IPP: variants seen among roughly 807,000 people sequenced by gnomAD.
IPP encodes actin-binding protein IPP.
IPP carries 41 observed loss-of-function variants against 64.1 expected under a neutral mutation model. That is an observed-to-expected ratio of 0.64 (90% confidence interval 0.50 to 0.83). The LOEUF (loss-of-function observed/expected upper bound fraction) is 0.83. Ranked by LOEUF, IPP falls within the 40% of genes least tolerant of loss-of-function variation. The pLI is 0.00. For synonymous variants in IPP, 214 were observed against 235.2 expected, an observed-to-expected ratio of 0.91 and a Z score of 0.83; for missense variants, 649 against 703.0, an observed-to-expected ratio of 0.92 and a Z score of 0.87.
chr1:45,747,021 C>T (rs1646143239), intron 1 of IPP, among the ~76,000 whole-genome samples: 2 of 152,148 alleles, frequency 1.3e-5, no homozygotes, highest in African/African-American at 4.8e-5. Context: ...GAGTTTGTTG[C>T]TCACCCTAAG....
rs567290768 is a variant in IPP at position 45,722,073 on chromosome 1, A to G, written c.1049-2733T>C. 8.6e-5 allele frequency among the ~76,000 whole-genome samples: 13 copies of G among 151,466 alleles called. No homozygotes were observed. In the South Asian group the frequency reaches 2.5e-3, roughly 29 times the overall value. On this transcript the variant is annotated intron_variant, in intron 5 of 8. Transcript: ENST00000396478. Reference sequence around the variant, plus strand: ...CAGAGTGAGACTCCGTTTCAAAACAAAAAGAAACAAACAACCAACAACAAC... The same window carrying G: ...CAGAGTGAGACTCCGTTTCAAAACAGAAAGAAACAAACAACCAACAACAAC...
chr1:45,745,096 G>T (rs1358708686), intron 2 of IPP, among the ~76,000 whole-genome samples: 1 of 152,064 alleles, frequency 6.6e-6, no homozygotes, highest in African/African-American at 2.4e-5. Flanking sequence ...ATGGGGTCTT[G>T]CTATGTTGTC....
chr1:45,695,720 A>G (rs1645381381), downstream of IPP, among the ~76,000 whole-genome samples: 3 of 151,750 alleles, frequency 2.0e-5, no homozygotes, highest in Admixed American at 2.0e-4. Flanking sequence ...CCCAGGCTGG[A>G]GTGCAATGGC....
intron 8 of IPP, among the ~76,000 whole-genome samples, chr1:45,713,254 C>A (rs1645614123): frequency 6.6e-6 from 1 of 151,798 alleles, no homozygotes; most frequent in South Asian, 2.1e-4. Flanking sequence ...ATAGCGAGAC[C>A]CTAACCATAG....
chr1:45,740,784 G>A, intron 3 of IPP, 117 bp downstream of exon 3: 1 of 591,212 alleles, frequency 1.7e-6, no homozygotes, highest in South Asian at 2.8e-5. Flanking sequence ...AAAAAAAAGA[G>A]TAATCATTCA....
chr1:45,730,467 G>GT (rs1342732947), intron 3 of IPP, among the ~76,000 whole-genome samples: 3 of 151,644 alleles, frequency 2.0e-5, no homozygotes, highest in African/African-American at 7.3e-5. Context: ...TACTTACAAC[G>GT]TAACAAAAAA....
intron 1 of IPP, among the ~76,000 whole-genome samples, chr1:45,749,210 G>A (rs528721321): frequency 1.3e-5 from 2 of 152,274 alleles, no homozygotes; most frequent in African/African-American, 4.8e-5. Context: ...ACAAGAAAGA[G>A]TTGACTGAAT....
At chr1:45,748,728 T>C (rs915833933) in intron 1 of IPP, among the ~76,000 whole-genome samples, 1 of 151,672 alleles carries the variant, frequency 6.6e-6, no homozygotes, top group African/African-American at 2.4e-5. Context: ...TCCCAGCACT[T>C]TGGAAGGCTG....
At chr1:45,720,644 G>C (rs1645719305) in intron 5 of IPP, among the ~76,000 whole-genome samples, 3 of 152,136 alleles carry the variant, frequency 2.0e-5, no homozygotes, top group African/African-American at 7.2e-5. Flanking sequence ...TAGTAATTAA[G>C]AAAGGGATAG....
intron 3 of IPP, among the ~76,000 whole-genome samples, chr1:45,735,582 C>A (rs1645967796): frequency 7.1e-6 from 1 of 141,406 alleles, no homozygotes; most frequent in East Asian, 2.1e-4. Flanking sequence ...AATTGATCCT[C>A]CTAGCTGGGA....
At chr1:45,721,882 A>G (rs1645736053) in intron 5 of IPP, among the ~76,000 whole-genome samples, 1 of 152,112 alleles carries the variant, frequency 6.6e-6, no homozygotes, top group Non-Finnish European at 1.5e-5. Flanking sequence ...CAGCCTGACC[A>G]ACATGGTGAA....
Position 45,741,214 on chromosome 1 carries a change from C to T in IPP, c.411G>A (p.Leu137=). The change falls in exon 3 of 9, where the codon CTG becomes CTA. Residue 137 remains leucine (L), a synonymous_variant. Coordinates refer to ENST00000396478, the MANE Select transcript of IPP (RefSeq NM_005897.3). ...AGAACTGAAAAATTCCAATGCAGTTCAGTGGATCAATTTGTCCTTTCAGAA... is the reference window on the plus strand; with the variant it reads ...AGAACTGAAAAATTCCAATGCAGTTTAGTGGATCAATTTGTCCTTTCAGAA... The part of the protein sequence containing the change: ...CEFLKGQIDP[L]NCIGIFQFSE... The T allele has an allele frequency of 6.2e-7, 1 of 1,614,164 alleles. No individual in the cohort carries two copies.
rs943789145 is a variant in IPP, at chr1:45,746,470, C to A, written c.-50-9G>T. 7.2e-7 allele frequency: 1 copy of A among 1,382,754 alleles called. No individual in the cohort carries two copies. Among genetic ancestry groups the A allele is most frequent in the Admixed American group, 2.1e-5 (1 of 47,400 alleles). The allele number at this position is 1,382,754 out of a possible 1,614,324, so 85.7% of individuals were successfully genotyped here. A position where few individuals can be genotyped will look rare whatever the true frequency, so the allele number is the denominator to read the frequency against. On this transcript the variant is annotated splice_polypyrimidine_tract_variant and intron_variant, in intron 1 of 8. Transcript: ENST00000396478. ...CATAATCTGTTACTACCCTGAAAAA[C>A]AAAATACAAAGAGATCAAGCAACAA...
chr1:45,738,181 T>C (rs1344905020), intron 3 of IPP, among the ~76,000 whole-genome samples: 2 of 152,196 alleles, frequency 1.3e-5, no homozygotes, highest in Non-Finnish European at 2.9e-5. Flanking sequence ...TTCACAGACA[T>C]GCACAGAGTG....
intron 5 of IPP, among the ~76,000 whole-genome samples, chr1:45,723,287 G>C (rs1645758556): frequency 6.6e-6 from 1 of 151,916 alleles, no homozygotes; most frequent in South Asian, 2.1e-4. Flanking sequence ...ACAAAATTTT[G>C]TACAACAAAC....
At chr1:45,728,835 T>G (rs919118270) in intron 4 of IPP, among the ~76,000 whole-genome samples, 1 of 151,916 alleles carries the variant, frequency 6.6e-6, no homozygotes, top group Non-Finnish European at 1.5e-5. Flanking sequence ...TGAAAAGAAG[T>G]TGTAATATGT....
At chr1:45,695,747 G>T, downstream of IPP, among the ~76,000 whole-genome samples, 1 of 151,684 alleles carries the variant, frequency 6.6e-6, no homozygotes, top group East Asian at 1.9e-4. Context: ...TCGGCTCACC[G>T]CAACCTCCGC....
At chr1:45,744,856 T>A (rs1000546788) in intron 2 of IPP, among the ~76,000 whole-genome samples, 1 of 151,796 alleles carries the variant, frequency 6.6e-6, no homozygotes, top group African/African-American at 2.4e-5. Context: ...AAAAAAATTT[T>A]TTTTTAGCCT....
At chr1:45,725,459 G>T (rs1327504324) in intron 5 of IPP, among the ~76,000 whole-genome samples, 1 of 143,634 alleles carries the variant, frequency 7.0e-6, no homozygotes, top group Admixed American at 6.8e-5. Flanking sequence ...CATCCGGGAG[G>T]GAGGTGGGGG....
Sources: allele counts gnomAD v4.1 joint callset (sites outside exome capture counted in the v4.1 genomes callset), GRCh38; gene constraint gnomAD v4.1.1; transcripts MANE v1.5; gene names NCBI Gene and HGNC (gene_info 2026-07-23, HGNC 2026-07-21).